Variants in ARHGAP31 observed in about 807,000 individuals in gnomAD.
The protein encoded by ARHGAP31 is rho GTPase-activating protein 31.
ARHGAP31 carries 34 observed loss-of-function variants against 113.9 expected under a neutral mutation model. The observed-to-expected ratio is 0.30, with a 90% CI of 0.23 to 0.40. The LOEUF is 0.40. Ranked by LOEUF, ARHGAP31 falls within the 10% of genes least tolerant of loss-of-function variation. ARHGAP31 has a pLI of 1.00. For missense variants in ARHGAP31, 1,548 were observed against 1,767.1 expected (o/e 0.88, Z 2.22); for synonymous variants, 650 against 684.8 (o/e 0.95, Z 0.79).
chr3:119,367,059 G>A (rs570565041), intron 2 of ARHGAP31, among the ~76,000 whole-genome samples: 2 of 150,918 alleles, frequency 1.3e-5, no homozygotes, highest in African/African-American at 4.9e-5. Flanking sequence ...CCGAGATTGT[G>A]CCAGCCTGGG....
intron 1 of ARHGAP31, among the ~76,000 whole-genome samples, chr3:119,339,104 A>G (rs1390788241): frequency 6.6e-6 from 1 of 152,200 alleles, no homozygotes; most frequent in Non-Finnish European, 1.5e-5. Context: ...GTAGGAAGCA[A>G]TTTGAGATTC....
At position 119,415,386 on chromosome 3, in the gene ARHGAP31, G is replaced by T; in HGVS notation, c.3457G>T (p.Asp1153Tyr). 1 of 1,614,040 alleles carries T rather than the reference G, an allele frequency of 6.2e-7. No individual in the cohort carries two copies. ...TWMTSSYCKA[D>Y]PWRVYSQDPQ... is the part of the protein sequence containing the mutation. ...GATGACCTCATCTTACTGTAAAGCA[G>T]ACCCCTGGAGGGTTTACTCCCAGGA... Residue 1153 changes from aspartate (D) to tyrosine (Y), a missense_variant, in exon 12 of 12, where the codon GAC becomes TAC. By Grantham distance (160) the Asp-to-Tyr change is radical (BLOSUM62 -3). Transcript: ENST00000264245.
chr3:119,339,761 T>C (rs1290609714), intron 1 of ARHGAP31, among the ~76,000 whole-genome samples: 3 of 152,170 alleles, frequency 2.0e-5, no homozygotes, highest in Admixed American at 1.3e-4. Flanking sequence ...TTACACCTTA[T>C]ATAAAAGTTA....
At chr3:119,377,023 G>C (rs1261544354) in intron 3 of ARHGAP31, among the ~76,000 whole-genome samples, 1 of 152,232 alleles carries the variant, frequency 6.6e-6, no homozygotes, top group Admixed American at 6.5e-5. Context: ...ATCACTATGG[G>C]TAATGATCCC....
In ARHGAP31 at chr3:119,391,116, A is replaced by G; in HGVS notation, c.881+133A>G. ...CGTCTGGGTTGGGGTTTAAGGAAAC[A>G]TTCCAGAAGAGAAGGGAGCTGTCTC... On this transcript the variant is annotated intron_variant, in intron 7 of 11. Transcript: ENST00000264245. The G allele has an allele frequency of 6.1e-6, 6 of 978,686 alleles. No homozygotes were observed. In the Admixed American group the frequency reaches 9.8e-5, roughly 16 times the overall value. The allele number at this position is 978,686 out of a possible 1,614,324, so 60.6% of individuals were successfully genotyped here. A position where few individuals can be genotyped will look rare whatever the true frequency, so the allele number is the denominator to read the frequency against.
chr3:119,415,577 G>C lies in ARHGAP31; in HGVS notation c.3648G>C (p.Leu1216=). ...KIQYTQIPQP[L]PSQSSGENGV... Reference sequence around the variant, plus strand: ...AGTACACCCAGATCCCACAGCCCCTGCCCTCTCAGAGCTCAGGGGAGAATG... The same window carrying C: ...AGTACACCCAGATCCCACAGCCCCTCCCCTCTCAGAGCTCAGGGGAGAATG... Residue 1216 remains leucine, a synonymous_variant, in exon 12 of 12, where the codon CTG becomes CTC. Coordinates refer to ENST00000264245, the MANE Select transcript of ARHGAP31 (RefSeq NM_020754.4). 6.2e-7 allele frequency: 1 copy of C among 1,614,130 alleles called. No homozygotes were observed. Among genetic ancestry groups the C allele is most frequent in the Non-Finnish European group, 8.5e-7 (1 of 1,180,012 alleles).
chr3:119,298,901 T>C, intron 1 of ARHGAP31: 1 of 237,500 alleles, frequency 4.2e-6, no homozygotes, highest in South Asian at 6.5e-5. Context: ...GTTGTGCCAT[T>C]CACAGCAAGG....
intron 1 of ARHGAP31, among the ~76,000 whole-genome samples, chr3:119,353,103 A>G (rs2080125058): frequency 6.6e-6 from 1 of 152,192 alleles, no homozygotes; most frequent in Non-Finnish European, 1.5e-5. Flanking sequence ...ATATCAAATC[A>G]TTCCTCTGCA....
chr3:119,379,337 C>T (rs2080375878), intron 3 of ARHGAP31, among the ~76,000 whole-genome samples: 1 of 152,164 alleles, frequency 6.6e-6, no homozygotes. Flanking sequence ...TGGAGCAGGA[C>T]CTCAGTGGTC....
chr3:119,412,753 G>A (rs911718381), intron 11 of ARHGAP31, among the ~76,000 whole-genome samples: 5 of 152,158 alleles, frequency 3.3e-5, no homozygotes, highest in African/African-American at 1.2e-4. Flanking sequence ...ACTGGGCGTG[G>A]TGGCTCACAC....
chr3:119,388,307 T>TACA (rs59845208), intron 6 of ARHGAP31, among the ~76,000 whole-genome samples: 76,449 of 130,274 alleles, frequency 0.59, 21,386 homozygotes, highest in East Asian at 0.76. Flanking sequence ...ATGTATAATT[T>TACA]TTATATATAT....
intron 2 of ARHGAP31, 127 bp downstream of exon 2, chr3:119,365,545 C>A: frequency 1.2e-6 from 1 of 819,740 alleles, no homozygotes; most frequent in South Asian, 1.4e-5. Context: ...CACCGAAGAT[C>A]AGATGCAGTG....
intron 1 of ARHGAP31, among the ~76,000 whole-genome samples, chr3:119,354,494 GTGTGTGTGTGTGGTTTTTA>G (rs1447792819): frequency 2.6e-5 from 4 of 151,618 alleles, no homozygotes; most frequent in Non-Finnish European, 5.9e-5. Flanking sequence ...GTGTGTGTGT[GTGTGTGTGTGTGGTTTTTA>G]TGTGTGTGTG....
intron 1 of ARHGAP31, among the ~76,000 whole-genome samples, chr3:119,300,117 T>G (rs969522249): frequency 6.6e-6 from 1 of 152,218 alleles, no homozygotes; most frequent in Non-Finnish European, 1.5e-5. Flanking sequence ...CTTTGCTTGT[T>G]CCCAGCTGAG....
At chr3:119,324,901 C>T (rs911769382) in intron 1 of ARHGAP31, 3 of 455,908 alleles carry the variant, frequency 6.6e-6, no homozygotes, top group African/African-American at 2.0e-5. Context: ...TGCAGATCAG[C>T]GGAATGGCTA....
rs139876223 is a variant in ARHGAP31, at chr3:119,382,611, T to G, written c.539+212T>G. On this transcript the variant is annotated intron_variant, in intron 5 of 11. Transcript: ENST00000264245. The stretch of plus-strand genomic sequence containing the variant: ...TTGGAAACTCTGAGTTCTGAAGACA[T>G]TTTTGGCTACAGCTACAATATGGCT... 2.2e-4 allele frequency among the ~76,000 whole-genome samples: 33 copies of G among 152,326 alleles called. No homozygotes were observed. The East Asian group carries it at 2.9e-3, about 13-fold the overall frequency.
chr3:119,384,527 C>T (rs1369850780), intron 6 of ARHGAP31, among the ~76,000 whole-genome samples: 1 of 152,132 alleles, frequency 6.6e-6, no homozygotes, highest in East Asian at 1.9e-4. Flanking sequence ...CTGGTGAGGG[C>T]CTTACCTTCT....
chr3:119,308,030 C>T (rs2079646498), intron 1 of ARHGAP31, among the ~76,000 whole-genome samples: 2 of 149,112 alleles, frequency 1.3e-5, no homozygotes, highest in South Asian at 2.1e-4. Context: ...CTCTTCAGGA[C>T]TGGAGTCACG....
At chr3:119,315,681 A>G (rs2079723652) in intron 1 of ARHGAP31, among the ~76,000 whole-genome samples, 1 of 152,250 alleles carries the variant, frequency 6.6e-6, no homozygotes. Context: ...GCATACTCAC[A>G]TCTCTGATGT....
Sources: gnomAD v4.1 joint callset for allele counts (sites outside exome capture counted in the v4.1 genomes callset) on GRCh38, gnomAD v4.1.1 for gene constraint, MANE v1.5 for transcripts, NCBI Gene and HGNC (gene_info 2026-07-23, HGNC 2026-07-21) for gene names.